Variants in ADAM22 observed in about 807,000 individuals in gnomAD.
ADAM22 encodes the protein ADAM metallopeptidase domain 22.
ADAM22 carries 65 observed loss-of-function variants against 144.6 expected under a neutral mutation model. The ratio of observed to expected loss-of-function variants is 0.45; its 90% CI spans 0.37 to 0.55. The LOEUF is 0.55. Among genes scored for constraint, ADAM22 ranks in the 20% least tolerant of loss-of-function variants. The pLI, the probability that ADAM22 is intolerant of heterozygous loss-of-function variation, is 0.00. For synonymous variants in ADAM22, 391 were observed against 412.6 expected (o/e 0.95, Z 0.63); for missense variants, 974 against 1,184.9 (o/e 0.82, Z 2.61).
intron 2 of ADAM22, among the ~76,000 whole-genome samples, chr7:87,936,718 G>A (rs1487378131): frequency 6.6e-6 from 1 of 151,846 alleles, no homozygotes; most frequent in Admixed American, 6.6e-5. Context: ...ATGCAACCAT[G>A]TTACTGTATT....
chr7:88,179,486 A>G (rs1376190278), intron 27 of ADAM22, among the ~76,000 whole-genome samples: 1 of 152,090 alleles, frequency 6.6e-6, no homozygotes, highest in Non-Finnish European at 1.5e-5. Flanking sequence ...TTTTATATAT[A>G]TCAAAGCTAA....
At chr7:87,964,071 T>G (rs1260838006) in intron 2 of ADAM22, among the ~76,000 whole-genome samples, 1 of 152,252 alleles carries the variant, frequency 6.6e-6, no homozygotes. Context: ...ACACTGTTAC[T>G]ATGTCTTAAG....
chr7:88,033,750 C>A (rs373400462), intron 3 of ADAM22, among the ~76,000 whole-genome samples: 1 of 152,076 alleles, frequency 6.6e-6, no homozygotes, highest in Non-Finnish European at 1.5e-5. Context: ...GCTGAGCTGG[C>A]GTCCAAGCCA....
In ADAM22 at chr7:88,153,349, G is replaced by C. The variant is rs780180693; in HGVS notation, c.1787+23G>C. 1.9e-6 allele frequency: 3 copies of C among 1,579,556 alleles called. No individual in the cohort carries two copies. In the South Asian group the frequency reaches 3.4e-5, roughly 18 times the overall value. ...ACGGTGAGGTGGAGACGTCAGCCCAGAATTCATCCCTTGGTCAATTACAAG... is the reference window on the plus strand; with the variant it reads ...ACGGTGAGGTGGAGACGTCAGCCCACAATTCATCCCTTGGTCAATTACAAG... On this transcript the variant is annotated intron_variant, in intron 21 of 31. Coordinates refer to ENST00000413139, the MANE Select transcript of ADAM22 (RefSeq NM_001324418.2).
chr7:88,175,577 C>G (rs1332541085), intron 26 of ADAM22, among the ~76,000 whole-genome samples: 1 of 152,016 alleles, frequency 6.6e-6, no homozygotes, highest in African/African-American at 2.4e-5. Context: ...GGCTATTGTT[C>G]ACTAAAAATC....
chr7:88,152,063 A>C (rs1326902019), intron 20 of ADAM22, among the ~76,000 whole-genome samples: 1 of 152,210 alleles, frequency 6.6e-6, no homozygotes, highest in East Asian at 1.9e-4. Flanking sequence ...CTTAATAGTT[A>C]TAAGTAGGTG....
At chr7:88,064,195 C>T (rs571319530) in intron 3 of ADAM22, among the ~76,000 whole-genome samples, 7 of 152,092 alleles carry the variant, frequency 4.6e-5, no homozygotes, top group South Asian at 2.1e-4. Context: ...TTTATAGTTA[C>T]GTAGAAAAGT....
intron 3 of ADAM22, among the ~76,000 whole-genome samples, chr7:88,062,783 G>A (rs1420785402): frequency 6.6e-6 from 1 of 152,152 alleles, no homozygotes; most frequent in African/African-American, 2.4e-5. Flanking sequence ...TGGACACTTA[G>A]AAGCCAATGT....
At chr7:88,077,264 G>C (rs1483708985) in intron 4 of ADAM22, among the ~76,000 whole-genome samples, 1 of 152,084 alleles carries the variant, frequency 6.6e-6, no homozygotes, top group African/African-American at 2.4e-5. Context: ...GAAGATAATT[G>C]AGTTTTTCCA....
intron 22 of ADAM22, among the ~76,000 whole-genome samples, chr7:88,160,729 T>C (rs1163414321): frequency 6.6e-6 from 1 of 152,134 alleles, no homozygotes. Flanking sequence ...TGTCCATCAA[T>C]GATAGACTGG....
At chr7:87,961,023 G>A (rs918424856) in intron 2 of ADAM22, among the ~76,000 whole-genome samples, 1 of 152,128 alleles carries the variant, frequency 6.6e-6, no homozygotes, top group Non-Finnish European at 1.5e-5. Flanking sequence ...ACATTATATG[G>A]TATGTTCAAA....
chr7:87,988,390 CT>C (rs1316589899), intron 3 of ADAM22, among the ~76,000 whole-genome samples: 1 of 152,134 alleles, frequency 6.6e-6, no homozygotes, highest in African/African-American at 2.4e-5. Context: ...TGATGCACCT[CT>C]GTGAGGACTG....
At chr7:88,166,056 T>G in intron 24 of ADAM22, 110 bp downstream of exon 24, 1 of 680,824 alleles carries the variant, frequency 1.5e-6, no homozygotes, top group Non-Finnish European at 2.3e-6. Context: ...TACATTCTCA[T>G]AATAATGAAT....
chr7:88,049,473 A>G (rs1271983587), intron 3 of ADAM22, among the ~76,000 whole-genome samples: 3 of 152,014 alleles, frequency 2.0e-5, no homozygotes, highest in Non-Finnish European at 2.9e-5. Flanking sequence ...ATCTTGGCTC[A>G]CTGCAACCTC....
At chr7:88,006,594 A>G (rs1793915655) in intron 3 of ADAM22, among the ~76,000 whole-genome samples, 1 of 148,896 alleles carries the variant, frequency 6.7e-6, no homozygotes, top group Non-Finnish European at 1.5e-5. Context: ...AGGCTGGTTC[A>G]ATGTATGCAA....
chr7:87,936,794 T>A (rs1037524088), intron 2 of ADAM22, among the ~76,000 whole-genome samples: 1 of 151,708 alleles, frequency 6.6e-6, no homozygotes, highest in Non-Finnish European at 1.5e-5. Context: ...CCAGTTCTCG[T>A]AAATATGTAT....
intron 3 of ADAM22, among the ~76,000 whole-genome samples, chr7:88,058,420 G>A (rs1184588171): frequency 6.6e-6 from 1 of 152,124 alleles, no homozygotes; most frequent in Non-Finnish European, 1.5e-5. Context: ...TGGCTTAATG[G>A]TTATTTATGC....
chr7:88,113,806 A>G (rs1826965600), intron 5 of ADAM22, among the ~76,000 whole-genome samples: 1 of 142,368 alleles, frequency 7.0e-6, no homozygotes, highest in African/African-American at 2.6e-5. Context: ...TTGCTATTGT[A>G]TCCCCAGCAC....
intron 4 of ADAM22, among the ~76,000 whole-genome samples, chr7:88,078,905 C>G (rs922595914): frequency 5.3e-5 from 8 of 152,140 alleles, no homozygotes; most frequent in African/African-American, 1.2e-4. Context: ...AGAATGGAAC[C>G]AAGTTGCAAA....
Sources: gnomAD v4.1 joint callset for allele counts (sites outside exome capture counted in the v4.1 genomes callset) on GRCh38, gnomAD v4.1.1 for gene constraint, MANE v1.5 for transcripts, NCBI Gene and HGNC (gene_info 2026-07-23, HGNC 2026-07-21) for gene names.